PSPC1: variants seen among roughly 807,000 people sequenced by gnomAD.
PSPC1 encodes the protein paraspeckle component 1, also known as paraspeckle protein 1.
PSPC1 carries 14 observed loss-of-function variants against 51.6 expected under a neutral mutation model. The ratio of observed to expected loss-of-function variants is 0.27; its 90% CI spans 0.18 to 0.42. PSPC1 has a LOEUF of 0.42. Among genes scored for constraint, PSPC1 ranks in the 10% least tolerant of loss-of-function variants. The pLI, the probability that PSPC1 is intolerant of heterozygous loss-of-function variation, is 1.00. For synonymous variants in PSPC1, 193 were observed against 231.9 expected (o/e 0.83, Z 1.53); for missense variants, 406 against 701.1 (o/e 0.58, Z 4.75).
chr13:19,746,878 G>A (rs995800164), intron 4 of PSPC1, among the ~76,000 whole-genome samples: 1 of 152,212 alleles, frequency 6.6e-6, no homozygotes, highest in Non-Finnish European at 1.5e-5. Flanking sequence ...GGGAGGCTGA[G>A]GCGGATGGAT....
chr13:19,717,968 C>G (rs1882323333), intron 6 of PSPC1, among the ~76,000 whole-genome samples: 1 of 151,534 alleles, frequency 6.6e-6, no homozygotes, highest in Admixed American at 6.6e-5. Flanking sequence ...CCCTTGAGGT[C>G]AGGAATTAGA....
intron 3 of PSPC1, among the ~76,000 whole-genome samples, chr13:19,758,379 GGGAA>G (rs1340125602): frequency 5.5e-5 from 1 of 18,082 alleles, no homozygotes; most frequent in Non-Finnish European, 5.0e-3. Flanking sequence ...TAAGTGAAAA[GGGAA>G]AATAAACATA....
At chr13:19,772,719 AAC>A (rs1350171476) in intron 1 of PSPC1, among the ~76,000 whole-genome samples, 176 bp from the exon 2 acceptor site, 1 of 152,206 alleles carries the variant, frequency 6.6e-6, no homozygotes, top group African/African-American at 2.4e-5. Context: ...GATCATTTTA[AAC>A]ATTTTAATTA....
At chr13:19,771,577 A>G (rs1888632008) in intron 2 of PSPC1, among the ~76,000 whole-genome samples, 1 of 152,056 alleles carries the variant, frequency 6.6e-6, no homozygotes, top group South Asian at 2.1e-4. Context: ...GTGGGATTAC[A>G]GGGATGTGTC....
chr13:19,755,627 G>C (rs375024458), intron 3 of PSPC1, among the ~76,000 whole-genome samples: 2 of 150,852 alleles, frequency 1.3e-5, no homozygotes, highest in African/African-American at 4.9e-5. Context: ...TATAATCAAC[G>C]CTAATGCTAA....
intron 2 of PSPC1, among the ~76,000 whole-genome samples, chr13:19,765,871 A>AT (rs1219921534): frequency 6.6e-6 from 1 of 152,134 alleles, no homozygotes; most frequent in African/African-American, 2.4e-5. Context: ...ATAACTCATT[A>AT]TTTTCAACAG....
At chr13:19,738,859 T>C (rs962012399) in intron 5 of PSPC1, among the ~76,000 whole-genome samples, 3 of 151,072 alleles carry the variant, frequency 2.0e-5, no homozygotes, top group Non-Finnish European at 2.9e-5. Context: ...TGAGCCGAGA[T>C]TGCGCCACTG....
intron 1 of PSPC1, among the ~76,000 whole-genome samples, chr13:19,780,142 G>C (rs1289175620): frequency 2.4e-3 from 97 of 39,594 alleles, no homozygotes; most frequent in East Asian, 6.8e-3. Flanking sequence ...GAGGTGGGGG[G>C]ATCAGCCCCC....
intron 6 of PSPC1, among the ~76,000 whole-genome samples, chr13:19,723,012 G>A (rs1335333227): frequency 6.6e-6 from 1 of 152,090 alleles, no homozygotes; most frequent in Non-Finnish European, 1.5e-5. Flanking sequence ...TTGGAAGGCT[G>A]AGGCACAAGA....
intron 6 of PSPC1, among the ~76,000 whole-genome samples, chr13:19,685,322 A>G (rs937280514): frequency 2.0e-5 from 3 of 152,274 alleles, no homozygotes; most frequent in Admixed American, 1.3e-4. Flanking sequence ...ACTATTTCCC[A>G]CTTTCAGTCA....
At chr13:19,777,398 C>G (rs1275861091) in intron 1 of PSPC1, among the ~76,000 whole-genome samples, 1 of 144,650 alleles carries the variant, frequency 6.9e-6, no homozygotes, top group Non-Finnish European at 1.5e-5. Flanking sequence ...CCGCTGCACT[C>G]CAGCCTGGGC....
chr13:19,688,126 T>C (rs11619393), intron 6 of PSPC1, among the ~76,000 whole-genome samples: 18,505 of 152,136 alleles, frequency 0.12, 1,248 homozygotes, highest in Middle Eastern at 0.16. Flanking sequence ...GGTCGTCTAA[T>C]GCTCCCACCT....
At position 19,782,327 on chromosome 13, in the gene PSPC1, C is replaced by T; in HGVS notation, c.372+59G>A. On this transcript the variant is annotated intron_variant, in intron 1 of 8. Coordinates refer to ENST00000338910, the MANE Select transcript of PSPC1 (RefSeq NM_001354909.2). This position sits in a 1 kb window ranked among gnomAD's most constrained non-coding sequence, Gnocchi z 4.5. ...TAGGACGAGGCTGGCCTCAGCCCCA[C>T]GACCCCGCGGCCACCCCGACAGTCC... 4.0e-6 allele frequency: 6 copies of T among 1,516,996 alleles called. No homozygotes were observed. The Admixed American group carries it at 6.3e-5, about 16-fold the overall frequency. 94.0% of individuals were successfully genotyped at this position (1,516,996 alleles called of 1,614,324 possible).
intron 6 of PSPC1, among the ~76,000 whole-genome samples, chr13:19,711,551 T>C: frequency 6.6e-6 from 1 of 150,512 alleles, no homozygotes; most frequent in East Asian, 2.0e-4. Context: ...GGCAGGAGAA[T>C]TGCGGGAACC....
intron 5 of PSPC1, among the ~76,000 whole-genome samples, chr13:19,735,884 C>T (rs1884715390): frequency 6.6e-6 from 1 of 151,358 alleles, no homozygotes; most frequent in Non-Finnish European, 1.5e-5. Flanking sequence ...TGCAGTGGCG[C>T]CATCTCTGCT....
At chr13:19,673,323 C>T (rs1876262591), downstream of PSPC1, 5 of 296,414 alleles carry the variant, frequency 1.7e-5, no homozygotes, top group South Asian at 3.2e-5. Context: ...GTATGAAATA[C>T]GATTTTAATG....
rs1880574761 is a variant in PSPC1, at chr13:19,705,757, T to C, written c.1291A>G (p.Thr431Ala). Residue 431 changes from threonine (T) to alanine (A), a missense_variant, in exon 8 of 9, where the codon ACT becomes GCT. Around this residue, in one of 5 missense-constraint regions of PSPC1, gnomAD observed 34 missense variants for 158.6 expected, o/e 0.21. Coordinates refer to ENST00000338910, the MANE Select transcript of PSPC1 (RefSeq NM_001354909.2). ...MMGMNMNNRA[T>A]IPGPPMGPGP... Reference sequence around the variant, plus strand: ...GGACCCATTGGTGGGCCAGGTATAGTTGCTCTGTTGTTCATATTCATACCC... The same window carrying C: ...GGACCCATTGGTGGGCCAGGTATAGCTGCTCTGTTGTTCATATTCATACCC... The C allele has an allele frequency of 6.2e-7, 1 of 1,613,774 alleles. No homozygotes were observed. The highest frequency in any genetic ancestry group is 8.5e-7 in the Non-Finnish European group (1 of 1,179,800).
intron 6 of PSPC1, among the ~76,000 whole-genome samples, chr13:19,687,679 A>G (rs112780872): frequency 0.11 from 16,548 of 152,156 alleles, 1,266 homozygotes; most frequent in African/African-American, 0.22. Flanking sequence ...CCCAGTCGTG[A>G]CCATATCATA....
At chr13:19,773,308 G>GGCGT (rs1888795408) in intron 1 of PSPC1, among the ~76,000 whole-genome samples, 1 of 139,590 alleles carries the variant, frequency 7.2e-6, no homozygotes, top group Non-Finnish European at 1.5e-5. Context: ...AGAGTACAAT[G>GGCGT]GCGTAATCTC....
Sources: allele counts gnomAD v4.1 joint callset (sites outside exome capture counted in the v4.1 genomes callset), GRCh38; gene constraint gnomAD v4.1.1; regional missense constraint gnomAD v4.1.1; non-coding constraint Gnocchi (gnomAD v3.1); transcripts MANE v1.5; gene names NCBI Gene and HGNC (gene_info 2026-07-23, HGNC 2026-07-21).